ADK: variants seen among roughly 807,000 people sequenced by gnomAD.
The protein encoded by ADK is adenosine kinase.
Under a neutral mutation model 44.7 loss-of-function variants are expected in ADK, and 24 were observed. The observed-to-expected ratio is 0.54, with a 90% CI of 0.39 to 0.76. The LOEUF is 0.76. Ranked by LOEUF, ADK falls within the 30% of genes least tolerant of loss-of-function variation. The pLI is 0.00. For synonymous variants in ADK, 128 were observed against 142.6 expected (o/e 0.90, Z 0.73); for missense variants, 321 against 425.1 (o/e 0.76, Z 2.15).
intron 7 of ADK, among the ~76,000 whole-genome samples, chr10:74,562,334 G>A (rs1850493461): frequency 6.6e-6 from 1 of 152,154 alleles, no homozygotes; most frequent in African/African-American, 2.4e-5. Context: ...TATATATGGG[G>A]AAGGAAAGAG....
intron 9 of ADK, among the ~76,000 whole-genome samples, chr10:74,616,404 G>T (rs142362465): frequency 1.7e-3 from 252 of 152,044 alleles, no homozygotes; most frequent in African/African-American, 5.9e-3. Flanking sequence ...TATATATAAG[G>T]TGTAGGATAG....
At chr10:74,192,609 A>G (rs1196693368) in intron 1 of ADK, among the ~76,000 whole-genome samples, 2 of 151,196 alleles carry the variant, frequency 1.3e-5, no homozygotes, top group Non-Finnish European at 2.9e-5. Context: ...ATTGCACACT[A>G]CAGTCCTCCT....
intron 7 of ADK, among the ~76,000 whole-genome samples, chr10:74,538,995 A>T (rs1849542946): frequency 6.6e-6 from 1 of 152,136 alleles, no homozygotes; most frequent in South Asian, 2.1e-4. Flanking sequence ...CATGCATACA[A>T]CTTCTTTCAG....
At chr10:74,603,046 C>T (rs1355721019) in intron 9 of ADK, among the ~76,000 whole-genome samples, 1 of 152,066 alleles carries the variant, frequency 6.6e-6, no homozygotes, top group African/African-American at 2.4e-5. Context: ...GCCTGTGGGG[C>T]AATTCACAAA....
At chr10:74,354,475 A>T (rs1238174751) in intron 4 of ADK, among the ~76,000 whole-genome samples, 3 of 152,230 alleles carry the variant, frequency 2.0e-5, no homozygotes, top group African/African-American at 7.2e-5. Flanking sequence ...TACAACAAGT[A>T]TTGGTTTTGA....
At chr10:74,614,813 A>C (rs764182393) in intron 9 of ADK, among the ~76,000 whole-genome samples, 7 of 152,180 alleles carry the variant, frequency 4.6e-5, no homozygotes, top group Non-Finnish European at 7.3e-5. Flanking sequence ...GAAACCTGTA[A>C]CTGTGCTCTA....
chr10:74,672,914 G>A (rs903359097), intron 10 of ADK, among the ~76,000 whole-genome samples: 3 of 152,130 alleles, frequency 2.0e-5, no homozygotes, highest in Admixed American at 6.5e-5. Context: ...GAGTAGCAGA[G>A]CCAGGATTCA....
chr10:74,623,545 T>A (rs1853075240), intron 9 of ADK, among the ~76,000 whole-genome samples: 1 of 152,164 alleles, frequency 6.6e-6, no homozygotes, highest in South Asian at 2.1e-4. Context: ...GACTTCTCTT[T>A]AGTTAGAATT....
chr10:74,584,715 G>A (rs1239847084), intron 7 of ADK, among the ~76,000 whole-genome samples: 1 of 152,078 alleles, frequency 6.6e-6, no homozygotes, highest in Non-Finnish European at 1.5e-5. Context: ...TGACACACAT[G>A]TACACAGATG....
chr10:74,674,606 G>T (rs1271428137), intron 10 of ADK, among the ~76,000 whole-genome samples: 5 of 152,050 alleles, frequency 3.3e-5, no homozygotes, highest in Admixed American at 6.6e-5. Flanking sequence ...AATCAGCCAG[G>T]TGTGGTGGCT....
chr10:74,305,438 T>C (rs1312826779), intron 3 of ADK, among the ~76,000 whole-genome samples: 1 of 152,170 alleles, frequency 6.6e-6, no homozygotes, highest in Admixed American at 6.6e-5. Flanking sequence ...GTTGGACCTA[T>C]CCCCTTCCCT....
At chr10:74,652,021 G>GA (rs1854290984) in intron 9 of ADK, among the ~76,000 whole-genome samples, 1 of 151,370 alleles carries the variant, frequency 6.6e-6, no homozygotes, top group Non-Finnish European at 1.5e-5. Flanking sequence ...ATTTGGCTAT[G>GA]AAGGGATATG....
At chr10:74,651,728 A>T (rs1456997378) in intron 9 of ADK, among the ~76,000 whole-genome samples, 1 of 152,202 alleles carries the variant, frequency 6.6e-6, no homozygotes, top group Non-Finnish European at 1.5e-5. Flanking sequence ...CTGAATGTAG[A>T]TTTGAGAAGA....
chr10:74,248,301 T>A (rs1222802708), intron 3 of ADK, among the ~76,000 whole-genome samples: 1 of 152,140 alleles, frequency 6.6e-6, no homozygotes, highest in Non-Finnish European at 1.5e-5. Context: ...TATTGACTGT[T>A]AGTAGGAGTA....
chr10:74,334,576 A>G (rs1564659422), intron 4 of ADK, among the ~76,000 whole-genome samples: 2 of 152,262 alleles, frequency 1.3e-5, no homozygotes, highest in Non-Finnish European at 2.9e-5. Flanking sequence ...TGAATTAGTT[A>G]AGAGGCTTTT....
intron 3 of ADK, among the ~76,000 whole-genome samples, chr10:74,284,726 G>T (rs1847093666): frequency 6.6e-6 from 1 of 152,168 alleles, no homozygotes; most frequent in African/African-American, 2.4e-5. Flanking sequence ...TCTCAAATGA[G>T]GTGCCAAATC....
At chr10:74,547,440 A>T (rs1007063893) in intron 7 of ADK, among the ~76,000 whole-genome samples, 1 of 135,824 alleles carries the variant, frequency 7.4e-6, no homozygotes, top group African/African-American at 2.8e-5. Flanking sequence ...TTATATATAT[A>T]TATATATTTA....
intron 4 of ADK, among the ~76,000 whole-genome samples, chr10:74,387,039 C>T (rs903780585): frequency 1.3e-5 from 2 of 151,720 alleles, no homozygotes; most frequent in Admixed American, 6.6e-5. Flanking sequence ...TGAGTTCAAG[C>T]GATTCTCCTG....
intron 3 of ADK, among the ~76,000 whole-genome samples, chr10:74,309,070 T>C (rs1840351439): frequency 6.6e-6 from 1 of 152,136 alleles, no homozygotes; most frequent in South Asian, 2.1e-4. Context: ...TGTTGAAGGG[T>C]ATAATCATGA....
Sources: allele counts gnomAD v4.1 joint callset (sites outside exome capture counted in the v4.1 genomes callset), GRCh38; gene constraint gnomAD v4.1.1; transcripts MANE v1.5; gene names NCBI Gene and HGNC (gene_info 2026-07-23, HGNC 2026-07-21).